Variants in DLG2 observed in about 807,000 individuals in gnomAD.
The protein encoded by DLG2 is discs large MAGUK scaffold protein 2.
Under a neutral mutation model 132.5 loss-of-function variants are expected in DLG2, and 45 were observed. The observed-to-expected ratio is 0.34, with a 90% CI of 0.27 to 0.44. The LOEUF is 0.44. Ranked by LOEUF, DLG2 falls within the 20% of genes least tolerant of loss-of-function variation. The pLI, the probability that DLG2 is intolerant of heterozygous loss-of-function variation, is 1.00. For synonymous variants in DLG2, 424 were observed against 419.6 expected (o/e 1.01, Z -0.13); for missense variants, 1,045 against 1,196.9 (o/e 0.87, Z 1.87).
At chr11:85,571,767 C>A (rs1284804467) in intron 3 of DLG2, among the ~76,000 whole-genome samples, 1 of 152,138 alleles carries the variant, frequency 6.6e-6, no homozygotes, top group East Asian at 1.9e-4. Flanking sequence ...TCTATTGCAT[C>A]CAATGAAAGC....
At chr11:84,356,166 G>A (rs1326641445) in intron 7 of DLG2, among the ~76,000 whole-genome samples, 1 of 152,042 alleles carries the variant, frequency 6.6e-6, no homozygotes, top group African/African-American at 2.4e-5. Flanking sequence ...GTTTTGGTGG[G>A]GAAAGCAGTC....
At chr11:85,592,469 T>C (rs1278226241) in intron 3 of DLG2, among the ~76,000 whole-genome samples, 2 of 152,214 alleles carry the variant, frequency 1.3e-5, no homozygotes, top group Non-Finnish European at 2.9e-5. Flanking sequence ...AAGCATTACC[T>C]AGGAAATGCC....
At chr11:83,558,889 A>C in intron 19 of DLG2, among the ~76,000 whole-genome samples, 1 of 113,730 alleles carries the variant, frequency 8.8e-6, no homozygotes, top group Admixed American at 8.6e-5. Context: ...GTGTGTGTGT[A>C]TGAGTAAAAT....
chr11:84,223,684 G>A (rs1597807001), intron 8 of DLG2, among the ~76,000 whole-genome samples: 1 of 151,850 alleles, frequency 6.6e-6, no homozygotes, highest in Non-Finnish European at 1.5e-5. Context: ...AGCCTCCCAA[G>A]TAGCTGGGAC....
intron 6 of DLG2, among the ~76,000 whole-genome samples, chr11:84,839,805 G>T (rs1045484614): frequency 5.3e-5 from 8 of 152,032 alleles, no homozygotes; most frequent in African/African-American, 1.9e-4. Flanking sequence ...AGCTGAAACT[G>T]GATCCCTTCC....
intron 4 of DLG2, among the ~76,000 whole-genome samples, chr11:85,181,411 G>A (rs1482567649): frequency 6.6e-6 from 1 of 151,596 alleles, no homozygotes; most frequent in Non-Finnish European, 1.5e-5. Context: ...ACTATGAATT[G>A]GAGATGGAGT....
chr11:85,122,953 A>ATATATATATAT (rs1555376312), intron 5 of DLG2, among the ~76,000 whole-genome samples: 13 of 32,540 alleles, frequency 4.0e-4, no homozygotes, highest in African/African-American at 1.7e-3. Flanking sequence ...TATATATTAT[A>ATATATATATAT]TATATATATA....
chr11:84,878,710 A>T (rs1566244181), intron 6 of DLG2, among the ~76,000 whole-genome samples: 1 of 152,336 alleles, frequency 6.6e-6, no homozygotes, highest in Non-Finnish European at 1.5e-5. Flanking sequence ...ATAGAAAAAA[A>T]ATCCAAAAAA....
intron 3 of DLG2, among the ~76,000 whole-genome samples, chr11:85,436,730 TAGA>T (rs1369889753): frequency 6.6e-6 from 1 of 152,236 alleles, no homozygotes; most frequent in East Asian, 1.9e-4. Context: ...CCAACCATTG[TAGA>T]AGACAGTGTG....
At chr11:84,713,313 G>A (rs1295137173) in intron 6 of DLG2, among the ~76,000 whole-genome samples, 1 of 152,030 alleles carries the variant, frequency 6.6e-6, no homozygotes, top group Admixed American at 6.6e-5. Flanking sequence ...TTCTCTACCT[G>A]TAACACTGGG....
intron 6 of DLG2, among the ~76,000 whole-genome samples, chr11:84,986,158 C>A (rs1317154365): frequency 6.6e-6 from 1 of 151,974 alleles, no homozygotes; most frequent in African/African-American, 2.4e-5. Flanking sequence ...AAAGATCATT[C>A]AAGGCCCCTA....
intron 3 of DLG2, among the ~76,000 whole-genome samples, chr11:85,403,659 A>G (rs1172124894): frequency 6.6e-6 from 1 of 151,884 alleles, no homozygotes; most frequent in Non-Finnish European, 1.5e-5. Flanking sequence ...GCAACTGGAG[A>G]TGTATGATAT....
chr11:83,825,068 T>TACACATATATATAC (rs1277985255), intron 17 of DLG2, among the ~76,000 whole-genome samples: 6 of 148,814 alleles, frequency 4.0e-5, no homozygotes, highest in Non-Finnish European at 8.9e-5. Flanking sequence ...TTTTTATATA[T>TACACATATATATAC]ACACATATAT....
At chr11:83,846,739 C>T (rs941227689) in intron 16 of DLG2, among the ~76,000 whole-genome samples, 5 of 151,860 alleles carry the variant, frequency 3.3e-5, no homozygotes, top group Non-Finnish European at 5.9e-5. Context: ...CATAAATCAA[C>T]TATAGATCAA....
chr11:84,316,820 C>T (rs762153551), intron 7 of DLG2: 2 of 1,601,996 alleles, frequency 1.2e-6, no homozygotes, highest in Admixed American at 3.4e-5. Context: ...AAGGAAAAGG[C>T]TCACCTGTGC....
At chr11:84,033,178 C>T (rs77965844) in intron 11 of DLG2, among the ~76,000 whole-genome samples, 2,741 of 152,240 alleles carry the variant, frequency 0.018, 76 homozygotes, top group South Asian at 0.061. Flanking sequence ...AAAGCTATAG[C>T]TGCCATAAAT....
At chr11:84,609,065 G>A (rs2099590736) in intron 6 of DLG2, among the ~76,000 whole-genome samples, 1 of 152,114 alleles carries the variant, frequency 6.6e-6, no homozygotes, top group Non-Finnish European at 1.5e-5. Flanking sequence ...GCTACGTGAT[G>A]TTACTACATA....
intron 8 of DLG2, among the ~76,000 whole-genome samples, chr11:84,230,281 GCT>G (rs1310870079): frequency 2.0e-5 from 3 of 152,058 alleles, no homozygotes; most frequent in African/African-American, 7.2e-5. Flanking sequence ...TTTTCTTCCT[GCT>G]CTGTTATTAT....
intron 23 of DLG2, 65 bp from the exon 24 acceptor site, chr11:83,471,792 TGC>T: frequency 7.6e-6 from 10 of 1,319,608 alleles, no homozygotes; most frequent in Non-Finnish European, 9.7e-6. Context: ...AAAACTGTCC[TGC>T]AAGGGTGATT....
Sources: allele counts gnomAD v4.1 joint callset (sites outside exome capture counted in the v4.1 genomes callset), GRCh38; gene constraint gnomAD v4.1.1; transcripts MANE v1.5; gene names NCBI Gene and HGNC (gene_info 2026-07-23, HGNC 2026-07-21).